Variants in CNBD1 observed in about 807,000 individuals in gnomAD.
CNBD1 encodes cyclic nucleotide-binding domain-containing protein 1.
A neutral mutation model predicts 54.4 loss-of-function variants in CNBD1; 71 were observed. The ratio of observed to expected loss-of-function variants is 1.30; its 90% CI spans 1.08 to 1.59. The LOEUF (loss-of-function observed/expected upper bound fraction) is 1.59. CNBD1 is among the 40% of genes most tolerant of loss of function. The pLI is 0.00. For missense variants in CNBD1, 659 were observed against 518.0 expected (o/e 1.27, Z -2.64); for synonymous variants, 182 against 170.7 (o/e 1.07, Z -0.51).
At chr8:87,125,042 C>T (rs1811964497) in intron 4 of CNBD1, among the ~76,000 whole-genome samples, 1 of 151,674 alleles carries the variant, frequency 6.6e-6, no homozygotes, top group Non-Finnish European at 1.5e-5. Flanking sequence ...CAAACAGTTC[C>T]ATTTACAATA....
At chr8:86,925,824 C>G (rs749952298) in intron 3 of CNBD1, among the ~76,000 whole-genome samples, 1 of 151,616 alleles carries the variant, frequency 6.6e-6, no homozygotes, top group Non-Finnish European at 1.5e-5. Context: ...TTCGTAGTCT[C>G]GCTGACTTCA....
chr8:87,276,416 A>G (rs924150403), intron 6 of CNBD1, among the ~76,000 whole-genome samples: 1 of 151,836 alleles, frequency 6.6e-6, no homozygotes, highest in African/African-American at 2.4e-5. Context: ...CTCCACCTTT[A>G]TGAGAAAAGG....
At chr8:87,404,356 T>C (rs1163953649) in intron 2 of CNBD1, among the ~76,000 whole-genome samples, 1 of 152,102 alleles carries the variant, frequency 6.6e-6, no homozygotes, top group Non-Finnish European at 1.5e-5. Flanking sequence ...CAGTTGGTGC[T>C]TTGATACTTA....
intron 1 of CNBD1, among the ~76,000 whole-genome samples, chr8:86,875,958 C>T (rs961678268): frequency 4.6e-5 from 7 of 152,082 alleles, no homozygotes; most frequent in Non-Finnish European, 7.4e-5. Flanking sequence ...ACTATACCCT[C>T]GTATATATTT....
chr8:87,178,589 T>C (rs2130775315), intron 4 of CNBD1, among the ~76,000 whole-genome samples: 1 of 152,322 alleles, frequency 6.6e-6, no homozygotes. Context: ...TGGAGTCTGA[T>C]GGAATCTAGC....
intron 3 of CNBD1, among the ~76,000 whole-genome samples, chr8:86,917,999 T>G (rs993188883): frequency 2.0e-5 from 3 of 152,244 alleles, no homozygotes; most frequent in Non-Finnish European, 4.4e-5. Flanking sequence ...GAAAGTAAAC[T>G]ATTTTCTTTG....
chr8:87,381,665 G>T (rs990582876), intron 10 of CNBD1, among the ~76,000 whole-genome samples: 4 of 151,976 alleles, frequency 2.6e-5, no homozygotes, highest in African/African-American at 9.7e-5. Context: ...AAAATGGAAT[G>T]CTATTCAGCC....
intron 4 of CNBD1, among the ~76,000 whole-genome samples, chr8:87,186,856 A>T (rs761647863): frequency 2.0e-5 from 3 of 152,116 alleles, no homozygotes; most frequent in Admixed American, 6.6e-5. Context: ...AAAGTTATGG[A>T]CAAAAGGAAG....
chr8:87,344,432 A>G lies in CNBD1; in HGVS notation c.1043-7253A>G, dbSNP rs560690345. On this transcript the variant is annotated intron_variant, in intron 8 of 10. Coordinates refer to ENST00000518476, the MANE Select transcript of CNBD1 (RefSeq NM_173538.3). ...TATCATATCATTTTAAGATTGTTTC[A>G]AAAAATAATTTTTAAAAATTTTCAC... 1.9e-3 allele frequency among the ~76,000 whole-genome samples: 292 copies of G among 152,250 alleles called. 1 individual carries two copies. Among genetic ancestry groups the G allele is most frequent in the South Asian group, 6.4e-3 (31 of 4,822 alleles).
chr8:87,163,188 A>C lies in CNBD1; in HGVS notation c.432-42805A>C, dbSNP rs2031459368. 6.6e-6 allele frequency among the ~76,000 whole-genome samples: 1 copy of C among 152,104 alleles called. No individual in the cohort carries two copies. The highest frequency in any genetic ancestry group is 2.4e-5 in the African/African-American group (1 of 41,440). On this transcript the variant is annotated intron_variant, in intron 4 of 10. Transcript: ENST00000518476. The surrounding 1 kb of genome is among the most constrained non-coding windows in gnomAD (Gnocchi z 4.5). ...TAGATTGAACTAACAAATGTACAAT[A>C]TTTTGGTATTAATAACATCTCATTT...
At chr8:87,388,197 G>A (rs1421261560) in intron 2 of CNBD1, among the ~76,000 whole-genome samples, 1 of 152,100 alleles carries the variant, frequency 6.6e-6, no homozygotes, top group African/African-American at 2.4e-5. Flanking sequence ...AAAAGAACTA[G>A]AGAAGCAAGA....
chr8:87,375,673 T>A (rs2130953364), intron 10 of CNBD1, among the ~76,000 whole-genome samples: 1 of 151,990 alleles, frequency 6.6e-6, no homozygotes, highest in South Asian at 2.1e-4. Flanking sequence ...TGAAATTCAT[T>A]ATGTCTTGCA....
chr8:87,139,925 G>A (rs1812338585), intron 4 of CNBD1, among the ~76,000 whole-genome samples: 1 of 152,092 alleles, frequency 6.6e-6, no homozygotes, highest in Non-Finnish European at 1.5e-5. Context: ...ATTTGGAATG[G>A]AGGCTTGAAT....
chr8:87,360,474 G>T (rs1040114725), intron 10 of CNBD1, among the ~76,000 whole-genome samples: 2 of 151,734 alleles, frequency 1.3e-5, no homozygotes, highest in Non-Finnish European at 3.0e-5. Context: ...TTTTTCACAT[G>T]CTACTGAGAA....
At chr8:87,350,519 T>G (rs927644777) in intron 8 of CNBD1, among the ~76,000 whole-genome samples, 1 of 151,892 alleles carries the variant, frequency 6.6e-6, no homozygotes, top group African/African-American at 2.4e-5. Flanking sequence ...CGTGTTATTT[T>G]AGCCATAATT....
At chr8:87,368,447 G>A (rs1810688507) in intron 10 of CNBD1, among the ~76,000 whole-genome samples, 3 of 151,822 alleles carry the variant, frequency 2.0e-5, no homozygotes, top group Admixed American at 2.0e-4. Context: ...ACTAGACTGG[G>A]CAACATAGTG....
chr8:86,928,083 G>A (rs1251275382), intron 3 of CNBD1, among the ~76,000 whole-genome samples: 5 of 151,992 alleles, frequency 3.3e-5, no homozygotes, highest in Admixed American at 3.3e-4. Flanking sequence ...TAGAGGGAAG[G>A]GACTTGACCA....
At chr8:87,037,505 T>C (rs1021710252) in intron 4 of CNBD1, among the ~76,000 whole-genome samples, 1 of 152,132 alleles carries the variant, frequency 6.6e-6, no homozygotes, top group African/African-American at 2.4e-5. Context: ...AAATTGATTA[T>C]ATGATTTTTT....
At chr8:87,190,151 G>T (rs1369945880) in intron 4 of CNBD1, among the ~76,000 whole-genome samples, 1 of 152,066 alleles carries the variant, frequency 6.6e-6, no homozygotes, top group African/African-American at 2.4e-5. Flanking sequence ...GTGGCTCATA[G>T]AACATTTGGT....
Sources: allele counts gnomAD v4.1 joint callset (sites outside exome capture counted in the v4.1 genomes callset), GRCh38; gene constraint gnomAD v4.1.1; non-coding constraint Gnocchi (gnomAD v3.1); transcripts MANE v1.5; gene names NCBI Gene and HGNC (gene_info 2026-07-23, HGNC 2026-07-21).